DPP10: variants seen among roughly 807,000 people sequenced by gnomAD.
The protein encoded by DPP10 is inactive dipeptidyl peptidase 10.
In DPP10, 33 loss-of-function variants were observed where a neutral mutation model predicts 120.9. That is an observed-to-expected ratio of 0.27 (90% CI 0.21 to 0.37). DPP10 has a LOEUF of 0.37. DPP10 is among the 10% of genes least tolerant of loss of function. DPP10 has a pLI of 1.00. For missense variants in DPP10, 816 were observed against 942.8 expected, an observed-to-expected ratio of 0.87 and a Z score of 1.76; for synonymous variants, 337 against 326.1, an observed-to-expected ratio of 1.03 and a Z score of -0.36.
At chr2:115,085,579 T>C (rs1708624295) in intron 1 of DPP10, among the ~76,000 whole-genome samples, 2 of 152,108 alleles carry the variant, frequency 1.3e-5, no homozygotes, top group Non-Finnish European at 2.9e-5. Context: ...AAAAGCCAAA[T>C]TTCAAACTGG....
intron 1 of DPP10, among the ~76,000 whole-genome samples, chr2:114,930,755 T>C (rs560843782): frequency 1.1e-4 from 17 of 151,804 alleles, no homozygotes; most frequent in Non-Finnish European, 2.2e-4. Flanking sequence ...CCTCAGGCTG[T>C]CTTCAATCAC....
At chr2:114,792,085 A>G (rs936817016) in intron 1 of DPP10, among the ~76,000 whole-genome samples, 1 of 152,170 alleles carries the variant, frequency 6.6e-6, no homozygotes, top group Non-Finnish European at 1.5e-5. Flanking sequence ...GAAAATTTTA[A>G]CCTGTATTGC....
intron 19 of DPP10, among the ~76,000 whole-genome samples, chr2:115,791,928 C>T (rs1301941565): frequency 6.6e-6 from 1 of 152,060 alleles, no homozygotes; most frequent in African/African-American, 2.4e-5. Flanking sequence ...ATTGATTTAG[C>T]ATTGTATTCC....
At chr2:115,813,974 T>C (rs1686949863) in intron 19 of DPP10, among the ~76,000 whole-genome samples, 1 of 152,236 alleles carries the variant, frequency 6.6e-6, no homozygotes, top group African/African-American at 2.4e-5. Flanking sequence ...TATCTAGGTA[T>C]GGACCTAGAT....
chr2:114,641,237 G>A (rs1366866890), intron 1 of DPP10, among the ~76,000 whole-genome samples: 3 of 151,894 alleles, frequency 2.0e-5, no homozygotes, highest in African/African-American at 4.9e-5. Context: ...ATATCACACT[G>A]CTATATAGTT....
intron 5 of DPP10, among the ~76,000 whole-genome samples, chr2:115,659,693 G>A (rs2088737126): frequency 6.6e-6 from 1 of 152,122 alleles, no homozygotes; most frequent in African/African-American, 2.4e-5. Flanking sequence ...GTAGGTTTTT[G>A]TATGTCTAAT....
intron 1 of DPP10, among the ~76,000 whole-genome samples, chr2:114,519,034 G>A (rs372826622): frequency 9.9e-5 from 15 of 152,154 alleles, no homozygotes; most frequent in Non-Finnish European, 1.9e-4. Context: ...GAAAGAGATC[G>A]AAGGCCTACT....
At chr2:115,433,021 G>T (rs985070327) in intron 3 of DPP10, among the ~76,000 whole-genome samples, 2 of 151,946 alleles carry the variant, frequency 1.3e-5, no homozygotes, top group African/African-American at 4.8e-5. Flanking sequence ...AACTCTCCCT[G>T]CCCTGAGAAA....
At chr2:115,732,838 G>T (rs866917119) in intron 8 of DPP10, among the ~76,000 whole-genome samples, 1 of 152,166 alleles carries the variant, frequency 6.6e-6, no homozygotes, top group Non-Finnish European at 1.5e-5. Context: ...TCCAACAGCT[G>T]TGGAGCAAAT....
At chr2:114,481,696 A>G (rs1201843270) in intron 1 of DPP10, among the ~76,000 whole-genome samples, 2 of 152,072 alleles carry the variant, frequency 1.3e-5, no homozygotes, top group Non-Finnish European at 2.9e-5. Flanking sequence ...AGCCAACCCA[A>G]AAGGTTACTG....
intron 3 of DPP10, among the ~76,000 whole-genome samples, chr2:115,453,139 A>AT (rs1471788087): frequency 1.3e-5 from 2 of 151,534 alleles, no homozygotes; most frequent in Non-Finnish European, 3.0e-5. Flanking sequence ...AGAAGGGTAC[A>AT]TTTTTTTCAA....
At chr2:115,159,226 G>A (rs946415181) in intron 1 of DPP10, among the ~76,000 whole-genome samples, 2 of 152,018 alleles carry the variant, frequency 1.3e-5, no homozygotes, top group Non-Finnish European at 1.5e-5. Context: ...TGGGAGGCCG[G>A]GGTGGGCGGA....
At chr2:114,824,966 G>A (rs1686404279) in intron 1 of DPP10, among the ~76,000 whole-genome samples, 1 of 152,298 alleles carries the variant, frequency 6.6e-6, no homozygotes, top group South Asian at 2.1e-4. Flanking sequence ...AAACAGGAGA[G>A]TAGGCTTTGG....
intron 1 of DPP10, among the ~76,000 whole-genome samples, chr2:114,989,127 G>A (rs540198227): frequency 6.6e-6 from 1 of 152,242 alleles, no homozygotes; most frequent in African/African-American, 2.4e-5. Flanking sequence ...AAGGACTGAG[G>A]GGTGAGGTCA....
chr2:114,944,594 G>A (rs2104596314), intron 1 of DPP10, among the ~76,000 whole-genome samples: 1 of 152,220 alleles, frequency 6.6e-6, no homozygotes, highest in Non-Finnish European at 1.5e-5. Flanking sequence ...TTTTACTAAA[G>A]GAAACTTTCT....
intron 7 of DPP10, among the ~76,000 whole-genome samples, chr2:115,699,727 A>G (rs1352802373): frequency 6.6e-6 from 1 of 152,222 alleles, no homozygotes; most frequent in Non-Finnish European, 1.5e-5. Flanking sequence ...TATACATGCT[A>G]CAAAAAACTT....
At chr2:115,707,368 A>G (rs1280851320) in intron 7 of DPP10, among the ~76,000 whole-genome samples, 3 of 151,604 alleles carry the variant, frequency 2.0e-5, no homozygotes, top group Admixed American at 6.6e-5. Flanking sequence ...TTGAATTCAT[A>G]CCAAATTATA....
At chr2:114,471,374 C>T (rs1419619923) in intron 1 of DPP10, among the ~76,000 whole-genome samples, 2 of 152,098 alleles carry the variant, frequency 1.3e-5, no homozygotes, top group Non-Finnish European at 2.9e-5. Flanking sequence ...GGATTAGAAG[C>T]AAAGGAAATA....
chr2:114,822,455 G>A (rs960180830), intron 1 of DPP10, among the ~76,000 whole-genome samples: 2 of 152,054 alleles, frequency 1.3e-5, no homozygotes, highest in Non-Finnish European at 2.9e-5. Flanking sequence ...CTGCCACAAA[G>A]GTCTCTGACA....
Sources: gnomAD v4.1 joint callset for allele counts (sites outside exome capture counted in the v4.1 genomes callset) on GRCh38, gnomAD v4.1.1 for gene constraint, MANE v1.5 for transcripts, NCBI Gene and HGNC (gene_info 2026-07-23, HGNC 2026-07-21) for gene names.